ST6GALNAC3: variants seen among roughly 807,000 people sequenced by gnomAD.
ST6GALNAC3 encodes alpha-N-acetylgalactosaminide alpha-2,6-sialyltransferase 3.
Under a neutral mutation model 32.7 loss-of-function variants are expected in ST6GALNAC3, and 25 were observed. The observed-to-expected ratio is 0.76, with a 90% confidence interval of 0.56 to 1.07. The LOEUF (loss-of-function observed/expected upper bound fraction) is 1.07, where lower values mean the gene tolerates loss of function less well. Ranked by LOEUF, ST6GALNAC3 falls within the 50% of genes least tolerant of loss-of-function variation. The pLI, the probability that ST6GALNAC3 is intolerant of heterozygous loss-of-function variation, is 0.00. For synonymous variants in ST6GALNAC3, 129 were observed against 133.1 expected, an observed-to-expected ratio of 0.97 and a Z score of 0.21; for missense variants, 355 against 382.4, an observed-to-expected ratio of 0.93 and a Z score of 0.60.
At chr1:76,084,011 G>A (rs1407053225) in intron 1 of ST6GALNAC3, among the ~76,000 whole-genome samples, 2 of 152,222 alleles carry the variant, frequency 1.3e-5, no homozygotes, top group African/African-American at 2.4e-5. Flanking sequence ...TTTTAAAAAT[G>A]TGGTTTGTTG....
chr1:76,256,460 T>A (rs1372408856), intron 1 of ST6GALNAC3, among the ~76,000 whole-genome samples: 1 of 152,156 alleles, frequency 6.6e-6, no homozygotes. Context: ...ACAAGTTGCT[T>A]CCAACAGGGT....
chr1:76,256,932 A>G (rs1281768358), intron 1 of ST6GALNAC3, among the ~76,000 whole-genome samples: 2 of 152,170 alleles, frequency 1.3e-5, no homozygotes, highest in African/African-American at 2.4e-5. Flanking sequence ...TTATATTTCC[A>G]AAGAAACTTA....
chr1:76,570,697 G>T (rs1665810071), intron 3 of ST6GALNAC3, among the ~76,000 whole-genome samples: 1 of 151,978 alleles, frequency 6.6e-6, no homozygotes, highest in Non-Finnish European at 1.5e-5. Context: ...TTTTTCTAGA[G>T]CATTTGACAT....
At chr1:76,409,034 A>G (rs578232563) in intron 2 of ST6GALNAC3, among the ~76,000 whole-genome samples, 26 of 152,268 alleles carry the variant, frequency 1.7e-4, no homozygotes, top group Admixed American at 7.2e-4. Flanking sequence ...GTTCTTCTCT[A>G]TTGTGTAAAA....
In ST6GALNAC3 at chr1:76,412,406, T is replaced by C. The variant is rs151031427; in HGVS notation, c.612T>C (p.Thr204=). Residue 204 remains threonine, a synonymous_variant, in exon 3 of 5, where the codon ACT becomes ACC. Coordinates refer to ENST00000328299, the MANE Select transcript of ST6GALNAC3 (RefSeq NM_152996.4). ...GTGATGGAGTTTTTAAGAAGGAAACTGGGAAGGACAGGTGAGCCCTCTCTG... is the reference window on the plus strand; with the variant it reads ...GTGATGGAGTTTTTAAGAAGGAAACCGGGAAGGACAGGTGAGCCCTCTCTG... ...SYCDGVFKKE[T]GKDRVQSGSY... The C allele has an allele frequency of 2.5e-6, 4 of 1,602,012 alleles. No homozygotes were observed. The highest frequency in any genetic ancestry group is 2.7e-5 in the African/African-American group (2 of 74,106).
At chr1:76,346,931 G>A (rs1409494215) in intron 2 of ST6GALNAC3, among the ~76,000 whole-genome samples, 2 of 152,110 alleles carry the variant, frequency 1.3e-5, no homozygotes, top group Admixed American at 6.6e-5. Flanking sequence ...TATAGACGTA[G>A]AGAAAGTTTT....
At chr1:76,304,820 C>A (rs181066305) in intron 1 of ST6GALNAC3, among the ~76,000 whole-genome samples, 1 of 152,172 alleles carries the variant, frequency 6.6e-6, no homozygotes, top group Admixed American at 6.5e-5. Context: ...ACCAGGACCA[C>A]CAGAATTTAC....
chr1:76,411,627 C>T (rs1654244041), intron 2 of ST6GALNAC3, among the ~76,000 whole-genome samples: 1 of 152,014 alleles, frequency 6.6e-6, no homozygotes, highest in African/African-American at 2.4e-5. Flanking sequence ...TTTTGCATTT[C>T]CTTTATAGCC....
chr1:76,500,914 T>C lies in ST6GALNAC3; in HGVS notation c.623+88497T>C, dbSNP rs913657290. 5.9e-5 allele frequency among the ~76,000 whole-genome samples: 9 copies of C among 152,272 alleles called. 1 individual carries two copies. In the East Asian group the frequency reaches 1.7e-3, roughly 29 times the overall value. ...ATAGTATTTACAGTGAACCCATTTG[T>C]AGAAAATAAAAAGGCTACACCAGTA... On this transcript the variant is annotated intron_variant, in intron 3 of 4. Coordinates refer to ENST00000328299, the MANE Select transcript of ST6GALNAC3 (RefSeq NM_152996.4).
At chr1:76,191,409 A>G (rs946841857) in intron 1 of ST6GALNAC3, among the ~76,000 whole-genome samples, 6 of 152,198 alleles carry the variant, frequency 3.9e-5, no homozygotes, top group African/African-American at 1.4e-4. Context: ...AGGATGGTCA[A>G]CAGGTACAAA....
chr1:76,494,798 A>C (rs1373518275), intron 3 of ST6GALNAC3, among the ~76,000 whole-genome samples: 2 of 151,602 alleles, frequency 1.3e-5, no homozygotes, highest in Non-Finnish European at 2.9e-5. Flanking sequence ...TTTATTGTGA[A>C]CTGGCTCATG....
intron 3 of ST6GALNAC3, among the ~76,000 whole-genome samples, chr1:76,433,717 A>T (rs1655933311): frequency 6.6e-6 from 1 of 152,146 alleles, no homozygotes; most frequent in African/African-American, 2.4e-5. Context: ...ACCAAACTGC[A>T]AGTCATGGGT....
At chr1:76,523,129 T>C (rs1381410262) in intron 3 of ST6GALNAC3, among the ~76,000 whole-genome samples, 1 of 152,206 alleles carries the variant, frequency 6.6e-6, no homozygotes, top group African/African-American at 2.4e-5. Flanking sequence ...CCTTGAGACA[T>C]GAACCTCCAG....
chr1:76,327,314 GTATGTGTGTA>G (rs1647096695), intron 2 of ST6GALNAC3, among the ~76,000 whole-genome samples: 1 of 129,802 alleles, frequency 7.7e-6, no homozygotes, highest in African/African-American at 3.1e-5. Context: ...GTGTGTGTGT[GTATGTGTGTA>G]TAGAGAGAGA....
intron 3 of ST6GALNAC3, among the ~76,000 whole-genome samples, chr1:76,551,716 G>C (rs778123261): frequency 6.6e-6 from 1 of 152,186 alleles, no homozygotes; most frequent in East Asian, 1.9e-4. Flanking sequence ...TGAAATTTAC[G>C]ATACATTTTT....
intron 1 of ST6GALNAC3, among the ~76,000 whole-genome samples, chr1:76,089,674 G>A (rs1010020790): frequency 2.0e-5 from 3 of 152,150 alleles, no homozygotes; most frequent in Admixed American, 1.3e-4. Flanking sequence ...TCATTTAGAC[G>A]ATACATTGTG....
chr1:76,306,686 C>T (rs201442807), intron 1 of ST6GALNAC3, among the ~76,000 whole-genome samples: 10 of 13,846 alleles, frequency 7.2e-4, no homozygotes, highest in Non-Finnish European at 2.7e-3. Flanking sequence ...TTTTGGGGGG[C>T]GGGGGGTGCA....
chr1:76,244,447 C>T (rs1015764723), intron 1 of ST6GALNAC3, among the ~76,000 whole-genome samples: 1 of 152,148 alleles, frequency 6.6e-6, no homozygotes, highest in African/African-American at 2.4e-5. Flanking sequence ...ATTTCTTTTT[C>T]TTGCCTAATT....
intron 3 of ST6GALNAC3, among the ~76,000 whole-genome samples, chr1:76,444,316 G>C (rs934385921): frequency 1.3e-5 from 2 of 152,234 alleles, no homozygotes; most frequent in Admixed American, 6.5e-5. Context: ...CTCTACATGT[G>C]TTCTCAAATT....
Sources: allele counts gnomAD v4.1 joint callset (sites outside exome capture counted in the v4.1 genomes callset), GRCh38; gene constraint gnomAD v4.1.1; transcripts MANE v1.5; gene names NCBI Gene and HGNC (gene_info 2026-07-23, HGNC 2026-07-21).